The following DHRSX variants were observed in gnomAD, a reference collection of about 807,000 sequenced individuals.
The protein encoded by DHRSX is polyprenol dehydrogenase.
A neutral mutation model predicts 34.0 loss-of-function variants in DHRSX; 31 were observed. The observed-to-expected ratio is 0.91, with a 90% confidence interval of 0.69 to 1.23. The LOEUF is 1.23. DHRSX is among the 50% of genes most tolerant of loss of function. The pLI is 0.00. For missense variants in DHRSX, 414 were observed against 428.1 expected (o/e 0.97, Z 0.29); for synonymous variants, 201 against 183.8 (o/e 1.09, Z -0.76).
At chrX:2,487,826 G>A (rs932922172) in intron 1 of DHRSX, 3 of 151,910 alleles carry the variant, frequency 2.0e-5, no homozygotes, top group Middle Eastern at 3.4e-3. Context: ...CTCTTTTTAA[G>A]AAGGGCATTT....
chrX:2,259,387 G>GATATAGAT (rs1197020155), intron 5 of DHRSX, among the ~76,000 whole-genome samples: 64 of 90,804 alleles, frequency 7.0e-4, no homozygotes, highest in African/African-American at 2.1e-3. Context: ...TATATATATA[G>GATATAGAT]ATATATAGAT....
At chrX:2,498,545 G>C (rs2045336416) in intron 1 of DHRSX, among the ~76,000 whole-genome samples, 1 of 150,068 alleles carries the variant, frequency 6.7e-6, no homozygotes, top group Non-Finnish European at 1.5e-5. Flanking sequence ...CCCGGGTACA[G>C]ATTCCCTTGG....
intron 6 of DHRSX, among the ~76,000 whole-genome samples, chrX:2,233,278 G>A (rs73626173): frequency 0.027 from 4,137 of 152,134 alleles, 206 homozygotes; most frequent in African/African-American, 0.094. Context: ...GACGCCTTGT[G>A]CAGGGAAATG....
chrX:2,284,397 A>G (rs1210803451), intron 4 of DHRSX, among the ~76,000 whole-genome samples: 1 of 117,188 alleles, frequency 8.5e-6, no homozygotes, highest in Non-Finnish European at 1.9e-5. Flanking sequence ...CAAGTGAATG[A>G]ATGAATTTGA....
intron 3 of DHRSX, chrX:2,336,558 G>A (rs2042566564): frequency 6.6e-6 from 1 of 151,894 alleles, no homozygotes; most frequent in Non-Finnish European, 1.5e-5. Context: ...CCCATGCTGT[G>A]AGATTAATTT....
At chrX:2,241,634 C>T (rs1283677922) in intron 6 of DHRSX, among the ~76,000 whole-genome samples, 2 of 152,072 alleles carry the variant, frequency 1.3e-5, no homozygotes, top group East Asian at 1.9e-4. Flanking sequence ...TGAGGCCAGG[C>T]GCAGTGGCTC....
chrX:2,434,313 C>A (rs1046123179), intron 1 of DHRSX, among the ~76,000 whole-genome samples: 5 of 152,132 alleles, frequency 3.3e-5, no homozygotes, highest in African/African-American at 1.2e-4. Flanking sequence ...TTTACATACT[C>A]AGTTCAAATG....
At chrX:2,443,206 A>T (rs757656624) in intron 1 of DHRSX, among the ~76,000 whole-genome samples, 32 of 151,740 alleles carry the variant, frequency 2.1e-4, no homozygotes, top group Admixed American at 8.5e-4. Context: ...AATTTTTTTT[A>T]AATTTTATAT....
At chrX:2,390,373 G>C (rs780789714) in intron 3 of DHRSX, among the ~76,000 whole-genome samples, 1 of 145,360 alleles carries the variant, frequency 6.9e-6, no homozygotes, top group African/African-American at 2.5e-5. Flanking sequence ...CCTGACCTCA[G>C]GTGATCCACC....
chrX:2,466,310 C>A (rs1295101552), intron 1 of DHRSX, among the ~76,000 whole-genome samples: 1 of 152,066 alleles, frequency 6.6e-6, no homozygotes, highest in Non-Finnish European at 1.5e-5. Context: ...TGGTGGTATG[C>A]GCCTGTAATC....
At chrX:2,459,246 C>T (rs1419732878) in intron 1 of DHRSX, among the ~76,000 whole-genome samples, 2 of 152,012 alleles carry the variant, frequency 1.3e-5, no homozygotes, top group Admixed American at 6.6e-5. Flanking sequence ...TACATTGCAT[C>T]TTTCAAAATG....
chrX:2,295,614 T>C (rs1296842871), intron 3 of DHRSX, among the ~76,000 whole-genome samples: 2 of 152,168 alleles, frequency 1.3e-5, no homozygotes, highest in Non-Finnish European at 2.9e-5. Context: ...GGTATCTGGA[T>C]TACTTTGACA....
intron 4 of DHRSX, among the ~76,000 whole-genome samples, chrX:2,271,036 T>C (rs968813018): frequency 1.4e-4 from 22 of 152,200 alleles, no homozygotes; most frequent in Non-Finnish European, 1.8e-4. Context: ...CTGAGCCAGC[T>C]TGTGTCCCCT....
chrX:2,353,970 G>A (rs1569492833), intron 3 of DHRSX, among the ~76,000 whole-genome samples: 8 of 152,082 alleles, frequency 5.3e-5, no homozygotes, highest in Admixed American at 5.2e-4. Flanking sequence ...GGAGAGCCCA[G>A]GAAGAAGGCA....
intron 1 of DHRSX, among the ~76,000 whole-genome samples, chrX:2,426,565 CTT>C (rs781137216): frequency 1.1e-4 from 16 of 146,162 alleles, no homozygotes; most frequent in Non-Finnish European, 2.2e-4. Flanking sequence ...TTCCTTCCCT[CTT>C]TCTTTTCTTC....
chrX:2,234,450 T>C (rs1392784065), intron 6 of DHRSX, among the ~76,000 whole-genome samples: 1 of 150,674 alleles, frequency 6.6e-6, no homozygotes. Context: ...ACACACACAT[T>C]CAGTACCTCC....
intron 4 of DHRSX, among the ~76,000 whole-genome samples, chrX:2,274,788 C>T (rs2041602950): frequency 6.6e-6 from 1 of 152,098 alleles, no homozygotes; most frequent in Non-Finnish European, 1.5e-5. Flanking sequence ...GCAAACCCAC[C>T]TGAAACGCTG....
At chrX:2,344,725 G>A (rs183861418) in intron 3 of DHRSX, among the ~76,000 whole-genome samples, 4 of 151,736 alleles carry the variant, frequency 2.6e-5, no homozygotes, top group Admixed American at 2.0e-4. Flanking sequence ...GGGGTCAGGG[G>A]CTAGTGGAGG....
intron 3 of DHRSX, among the ~76,000 whole-genome samples, chrX:2,338,302 C>T (rs2042595550): frequency 6.6e-6 from 1 of 151,480 alleles, no homozygotes; most frequent in African/African-American, 2.4e-5. Context: ...CATTGCACTC[C>T]AGCCTGTGCA....
Sources: gnomAD v4.1 joint callset for allele counts (sites outside exome capture counted in the v4.1 genomes callset) on GRCh38, gnomAD v4.1.1 for gene constraint, MANE v1.5 for transcripts, NCBI Gene and HGNC (gene_info 2026-07-23, HGNC 2026-07-21) for gene names.